Variants in EMID1 observed in about 807,000 individuals in gnomAD.
EMID1 encodes EMI domain containing 1.
Under a neutral mutation model 60.6 loss-of-function variants are expected in EMID1, and 40 were observed. That is an observed-to-expected ratio of 0.66 (90% CI 0.51 to 0.86). The LOEUF is 0.86. Among genes scored for constraint, EMID1 ranks in the 40% least tolerant of loss-of-function variants. EMID1 has a pLI of 0.00. For synonymous variants in EMID1, 242 were observed against 231.0 expected, an observed-to-expected ratio of 1.05 and a Z score of -0.43; for missense variants, 585 against 597.1, an observed-to-expected ratio of 0.98 and a Z score of 0.21.
intron 10 of EMID1, 43 bp downstream of exon 10, chr22:29,233,709 C>A (rs1568990485): frequency 1.9e-6 from 3 of 1,585,028 alleles, no homozygotes; most frequent in African/African-American, 1.3e-5. Flanking sequence ...GTCTGTCCAT[C>A]TTTCCATCTA....
intron 14 of EMID1, among the ~76,000 whole-genome samples, chr22:29,258,117 GC>G (rs1230697157): frequency 6.6e-6 from 1 of 152,124 alleles, no homozygotes; most frequent in African/African-American, 2.4e-5. Context: ...CTCCACCGTG[GC>G]CCTCTCCTCC....
chr22:29,214,815 G>A, intron 1 of EMID1, 111 bp from the exon 2 acceptor site: 3 of 703,236 alleles, frequency 4.3e-6, no homozygotes, highest in Non-Finnish European at 6.6e-6. Flanking sequence ...CTCGCTGCCT[G>A]GGGATTCAGG....
Position 29,238,477 on chromosome 22 carries a change from G to A in EMID1, c.1074+4128G>A, listed in dbSNP as rs2041041558. Among the ~76,000 whole-genome samples, 2 of 141,716 alleles carry A rather than the reference G, an allele frequency of 1.4e-5. 1 individual carries two copies. The highest frequency in any genetic ancestry group is 1.4e-4 in the Admixed American group (2 of 14,404). 93.0% of individuals were successfully genotyped at this position (141,716 alleles called of 152,430 possible). ...TTGTCCCCAAGGCTGGAGTGCAATG[G>A]TGTGATCTTGGCTCACTGCAACCTC... On this transcript the variant is annotated intron_variant, in intron 12 of 14. Transcript: ENST00000334018.
At chr22:29,215,450 T>C in intron 2 of EMID1, 77 bp from the exon 3 acceptor site, 1 of 1,452,080 alleles carries the variant, frequency 6.9e-7, no homozygotes, top group Admixed American at 1.8e-5. Context: ...TCTAGGTTTG[T>C]CCCCATGGGT....
At chr22:29,228,212 A>G (rs571860303) in intron 5 of EMID1, among the ~76,000 whole-genome samples, 59 of 151,022 alleles carry the variant, frequency 3.9e-4, no homozygotes, top group African/African-American at 1.3e-3. Flanking sequence ...CTGTAATCCC[A>G]GCTACTTGGG....
intron 3 of EMID1, 33 bp from the exon 4 acceptor site, chr22:29,225,100 A>T: frequency 6.2e-7 from 1 of 1,609,402 alleles, no homozygotes; most frequent in South Asian, 1.1e-5. Context: ...CAAGGATCAC[A>T]TGCCAGCAGG....
intron 3 of EMID1, 22 bp from the exon 4 acceptor site, chr22:29,225,111 G>A (rs2040451924): frequency 1.2e-6 from 2 of 1,612,630 alleles, no homozygotes; most frequent in Non-Finnish European, 1.7e-6. Context: ...TGCCAGCAGG[G>A]CTCTCACCCT....
intron 3 of EMID1, among the ~76,000 whole-genome samples, chr22:29,224,243 C>T (rs132388): frequency 0.48 from 72,707 of 152,152 alleles, 19,893 homozygotes; most frequent in Admixed American, 0.66. Context: ...AGCCCCGCTC[C>T]GAGCTGCCAG....
intron 5 of EMID1, among the ~76,000 whole-genome samples, chr22:29,229,657 A>AG (rs892492399): frequency 3.3e-5 from 5 of 151,774 alleles, no homozygotes; most frequent in Admixed American, 6.6e-5. Flanking sequence ...AAAAAAAAAA[A>AG]AAGAAGATGC....
chr22:29,207,073 GC>G, intron 1 of EMID1, among the ~76,000 whole-genome samples: 1 of 152,310 alleles, frequency 6.6e-6, no homozygotes, highest in South Asian at 2.1e-4. Context: ...CCATTCAAAG[GC>G]CTGCGCGGCC....
intron 5 of EMID1, among the ~76,000 whole-genome samples, chr22:29,228,989 G>T (rs2040630627): frequency 6.6e-6 from 1 of 152,174 alleles, no homozygotes; most frequent in African/African-American, 2.4e-5. Flanking sequence ...TAATTGTGGA[G>T]AATTCATTCT....
chr22:29,254,858 C>T (rs970005679), intron 14 of EMID1: 1 of 168,354 alleles, frequency 5.9e-6, no homozygotes, highest in African/African-American at 2.4e-5. Flanking sequence ...GGCTCAGGCC[C>T]CAGGGGACTC....
chr22:29,253,169 G>C (rs1224131514), intron 13 of EMID1, among the ~76,000 whole-genome samples: 1 of 152,182 alleles, frequency 6.6e-6, no homozygotes, highest in Non-Finnish European at 1.5e-5. Flanking sequence ...TTTTGGCCAG[G>C]GATGGTGGCT....
chr22:29,226,432 G>T (rs1352584784), intron 4 of EMID1, 58 bp from the exon 5 acceptor site: 1 of 1,579,902 alleles, frequency 6.3e-7, no homozygotes, highest in Non-Finnish European at 8.6e-7. Flanking sequence ...AGACTGAAGG[G>T]TTCTGAGGGG....
At chr22:29,244,234 C>A (rs944989947) in intron 13 of EMID1, among the ~76,000 whole-genome samples, 1 of 152,036 alleles carries the variant, frequency 6.6e-6, no homozygotes, top group African/African-American at 2.4e-5. Flanking sequence ...GAGAAGGGGA[C>A]AAGAAGGGGG....
chr22:29,237,661 C>T lies in EMID1; in HGVS notation c.1074+3312C>T, dbSNP rs1297393600. 1.4e-5 allele frequency among the ~76,000 whole-genome samples: 2 copies of T among 143,570 alleles called. 1 individual carries two copies. The highest frequency in any genetic ancestry group is 3.0e-5 in the Non-Finnish European group (2 of 66,868). 94.2% of individuals were successfully genotyped at this position (143,570 alleles called of 152,430 possible). ...AAAATACAAAAAAAATGTAGCTGGG[C>T]GTGCTGGCAGGTGCCTGTAGTCCCA... On this transcript the variant is annotated intron_variant, in intron 12 of 14. Transcript: ENST00000334018.
chr22:29,221,623 C>T (rs1209267570), intron 3 of EMID1, among the ~76,000 whole-genome samples: 1 of 152,140 alleles, frequency 6.6e-6, no homozygotes, highest in African/African-American at 2.4e-5. Context: ...ATCTGCTCAC[C>T]TCGGCCTCCC....
chr22:29,234,493 C>T, intron 12 of EMID1, 144 bp downstream of exon 12: 3 of 982,480 alleles, frequency 3.1e-6, no homozygotes, highest in South Asian at 1.7e-5. Flanking sequence ...CTCTGAGACT[C>T]ATTGTCCTCT....
intron 13 of EMID1, among the ~76,000 whole-genome samples, chr22:29,246,201 C>G (rs2041325864): frequency 6.6e-6 from 1 of 152,150 alleles, no homozygotes; most frequent in African/African-American, 2.4e-5. Flanking sequence ...ATTTGAGGAG[C>G]TGCAAATACT....
Sources: gnomAD v4.1 joint callset for allele counts (sites outside exome capture counted in the v4.1 genomes callset) on GRCh38, gnomAD v4.1.1 for gene constraint, MANE v1.5 for transcripts, NCBI Gene and HGNC (gene_info 2026-07-23, HGNC 2026-07-21) for gene names.